The following DEUP1 variants were observed in gnomAD, a reference collection of about 807,000 sequenced individuals.
The protein encoded by DEUP1 is deuterosome assembly protein 1.
Under a neutral mutation model 87.4 loss-of-function variants are expected in DEUP1, and 82 were observed. That is an observed-to-expected ratio of 0.94 (90% confidence interval 0.78 to 1.13). The LOEUF is 1.13. Ranked by LOEUF, DEUP1 falls within the 50% of genes most tolerant of loss-of-function variation. DEUP1 has a pLI of 0.00. For missense variants in DEUP1, 663 were observed against 681.5 expected, an observed-to-expected ratio of 0.97 and a Z score of 0.30; for synonymous variants, 214 against 222.7, an observed-to-expected ratio of 0.96 and a Z score of 0.35.
Position 93,394,647 on chromosome 11 carries a change from A to C in DEUP1, c.1230A>C (p.Ala410=), listed in dbSNP as rs748577625. The change falls in exon 10 of 14, where the codon GCA becomes GCC. Residue 410 remains alanine, a synonymous_variant. Transcript: ENST00000298050. ...TAGAAATAAAAGAAAAAATGTTAGCAAAACAAAAGGTATGCAAGCAGGCAG... is the reference window on the plus strand; with the variant it reads ...TAGAAATAAAAGAAAAAATGTTAGCCAAACAAAAGGTATGCAAGCAGGCAG... The part of the protein sequence containing the change: ...MELEIKEKML[A]KQKVSDMKYK... 1 of 1,610,002 alleles carries C rather than the reference A, an allele frequency of 6.2e-7. No homozygotes were observed. The highest frequency in any genetic ancestry group is 8.5e-7 in the Non-Finnish European group (1 of 1,178,188).
chr11:93,334,806 TTA>T (rs1325358286), intron 2 of DEUP1, among the ~76,000 whole-genome samples: 3 of 152,042 alleles, frequency 2.0e-5, no homozygotes, highest in African/African-American at 7.2e-5. Flanking sequence ...AAACTCAATT[TTA>T]TGTTTGTTCT....
chr11:93,394,007 A>G (rs928079882), intron 9 of DEUP1, among the ~76,000 whole-genome samples: 1 of 152,190 alleles, frequency 6.6e-6, no homozygotes, highest in Non-Finnish European at 1.5e-5. Flanking sequence ...ATGTTTAGTT[A>G]CAAACAGTAC....
intron 11 of DEUP1, among the ~76,000 whole-genome samples, chr11:93,403,411 T>C (rs1345365385): frequency 6.6e-6 from 1 of 151,978 alleles, no homozygotes; most frequent in Non-Finnish European, 1.5e-5. Context: ...AGAAGTACTT[T>C]GTAGGTTATT....
At chr11:93,361,545 A>T (rs985162458) in intron 4 of DEUP1, among the ~76,000 whole-genome samples, 2 of 152,120 alleles carry the variant, frequency 1.3e-5, no homozygotes, top group Admixed American at 6.6e-5. Flanking sequence ...TCTACACTTG[A>T]ACTGGAAAGA....
intron 2 of DEUP1, among the ~76,000 whole-genome samples, chr11:93,349,586 A>C (rs1295606923): frequency 5.7e-5 from 1 of 17,606 alleles, no homozygotes; most frequent in Non-Finnish European, 1.2e-4. Context: ...TGAAATTGAC[A>C]AAAAAAAAAA....
chr11:93,345,662 T>G (rs1944313319), intron 2 of DEUP1, among the ~76,000 whole-genome samples: 1 of 152,224 alleles, frequency 6.6e-6, no homozygotes, highest in African/African-American at 2.4e-5. Flanking sequence ...TGTCTTCTTT[T>G]GAGAAGTGTC....
chr11:93,330,651 GGCGGCGGGAGC>G (rs1251363568), upstream of DEUP1: 27 of 153,024 alleles, frequency 1.8e-4, 1 homozygote, highest in Non-Finnish European at 1.5e-5. Flanking sequence ...GGAGGGCCCA[GGCGGCGGGAGC>G]GCGGCGGCGG....
At chr11:93,392,954 T>TCCGAGCC (rs1341880065) in intron 9 of DEUP1, among the ~76,000 whole-genome samples, 1 of 107,994 alleles carries the variant, frequency 9.3e-6, no homozygotes, top group African/African-American at 3.1e-5. Context: ...TCCTCCCTCC[T>TCCGAGCC]CTTCCTCCTC....
intron 11 of DEUP1, among the ~76,000 whole-genome samples, chr11:93,399,146 C>T (rs912194463): frequency 2.0e-5 from 3 of 151,794 alleles, no homozygotes. Flanking sequence ...TTCTGAGTTT[C>T]CTTCCTTGAC....
At chr11:93,337,728 A>G (rs1943846793) in intron 2 of DEUP1, among the ~76,000 whole-genome samples, 1 of 152,210 alleles carries the variant, frequency 6.6e-6, no homozygotes, top group African/African-American at 2.4e-5. Context: ...AAGGAAGGAA[A>G]GTTATTAGGA....
chr11:93,344,368 G>A (rs1169645396), intron 2 of DEUP1, among the ~76,000 whole-genome samples: 1 of 152,014 alleles, frequency 6.6e-6, no homozygotes, highest in East Asian at 1.9e-4. Context: ...TTTTGAGTGA[G>A]TTTCAGTAAA....
At chr11:93,417,116 G>A (rs1249316590) in intron 13 of DEUP1, among the ~76,000 whole-genome samples, 7 of 144,970 alleles carry the variant, frequency 4.8e-5, no homozygotes, top group Non-Finnish European at 1.1e-4. Flanking sequence ...TTGAAAACTG[G>A]CACAAGACAG....
chr11:93,338,404 C>CT (rs532505177), intron 2 of DEUP1, among the ~76,000 whole-genome samples: 346 of 139,550 alleles, frequency 2.5e-3, no homozygotes, highest in Admixed American at 3.0e-3. Flanking sequence ...ATGCAGTCAA[C>CT]TTTTTTTTTT....
At chr11:93,355,117 T>G (rs571303827) in intron 2 of DEUP1, among the ~76,000 whole-genome samples, 50 of 152,360 alleles carry the variant, frequency 3.3e-4, no homozygotes, top group African/African-American at 1.2e-3. Context: ...TAATTTTTCC[T>G]AATTAGCATA....
At chr11:93,409,832 T>C (rs1947386098) in intron 12 of DEUP1, among the ~76,000 whole-genome samples, 1 of 152,140 alleles carries the variant, frequency 6.6e-6, no homozygotes, top group South Asian at 2.1e-4. Flanking sequence ...GTTCCATAAA[T>C]GTTAACCATT....
chr11:93,397,118 T>C (rs1466593236), intron 11 of DEUP1, among the ~76,000 whole-genome samples: 1 of 152,212 alleles, frequency 6.6e-6, no homozygotes, highest in Non-Finnish European at 1.5e-5. Context: ...GATGAATATG[T>C]TAATTACTTA....
chr11:93,344,227 C>G (rs537601671), intron 2 of DEUP1, among the ~76,000 whole-genome samples: 3 of 151,900 alleles, frequency 2.0e-5, no homozygotes, highest in South Asian at 2.1e-4. Flanking sequence ...GGGGTTCTCC[C>G]CATTTGACCT....
intron 2 of DEUP1, chr11:93,352,332 G>C (rs1213305644): frequency 1.4e-6 from 1 of 702,184 alleles, no homozygotes; most frequent in Middle Eastern, 2.3e-4. Flanking sequence ...ATAACTACCT[G>C]CTTATCCAGT....
chr11:93,418,192 A>T (rs1228489724), intron 13 of DEUP1, among the ~76,000 whole-genome samples: 1 of 152,074 alleles, frequency 6.6e-6, no homozygotes, highest in Non-Finnish European at 1.5e-5. Context: ...GGATCTAATT[A>T]AACTAAAGAG....
Sources: gnomAD v4.1 joint callset for allele counts (sites outside exome capture counted in the v4.1 genomes callset) on GRCh38, gnomAD v4.1.1 for gene constraint, MANE v1.5 for transcripts, NCBI Gene and HGNC (gene_info 2026-07-23, HGNC 2026-07-21) for gene names.